DICER1: variants seen among roughly 807,000 people sequenced by gnomAD.
DICER1 encodes the protein endoribonuclease Dicer.
Under a neutral mutation model 194.1 loss-of-function variants are expected in DICER1, and 43 were observed. That is an observed-to-expected ratio of 0.22 (90% confidence interval 0.17 to 0.29). The LOEUF is 0.29. Ranked by LOEUF, DICER1 falls within the 10% of genes least tolerant of loss-of-function variation. The pLI, the probability that DICER1 is intolerant of heterozygous loss-of-function variation, is 1.00. For missense variants in DICER1, 1,608 were observed against 2,317.0 expected (o/e 0.69, Z 6.28); for synonymous variants, 832 against 820.5 (o/e 1.01, Z -0.24).
At chr14:95,117,493 A>T in intron 9 of DICER1, 129 bp downstream of exon 9, 1 of 982,788 alleles carries the variant, frequency 1.0e-6, no homozygotes, top group South Asian at 1.4e-5. Context: ...CTAATATATG[A>T]AGAAGTATTC....
In DICER1 at chr14:95,095,701, C is replaced by T. The variant is rs1422050878; in HGVS notation, c.5095+124G>A. The stretch of plus-strand genomic sequence containing the variant: ...TCTTTCTATTCCTTTTGTTCCCCGC[C>T]CCATCCCTTGAATATTAAGCATGAA... On this transcript the variant is annotated intron_variant, in intron 23 of 26. Transcript: ENST00000343455. The T allele has an allele frequency of 4.8e-6, 5 of 1,036,094 alleles. No homozygotes were observed. In the East Asian group the frequency reaches 1.0e-4, roughly 21 times the overall value. The allele number at this position is 1,036,094 out of a possible 1,614,324, so 64.2% of individuals were successfully genotyped here. A position where few individuals can be genotyped will look rare whatever the true frequency, so the allele number is the denominator to read the frequency against.
At chr14:95,145,683 A>G (rs1305067681) in intron 1 of DICER1, among the ~76,000 whole-genome samples, 2 of 152,174 alleles carry the variant, frequency 1.3e-5, no homozygotes, top group African/African-American at 4.8e-5. Flanking sequence ...GAGAAAAAAA[A>G]AACAATAATT....
At position 95,096,498 on chromosome 14, in the gene DICER1, G is replaced by A. The variant is rs1595341579; in HGVS notation, c.4422C>T (p.Thr1474=). The A allele has an allele frequency of 6.2e-7, 1 of 1,613,994 alleles. No individual in the cohort carries two copies. Among genetic ancestry groups the A allele is most frequent in the African/African-American group, 1.3e-5 (1 of 75,014 alleles). The stretch of plus-strand genomic sequence containing the variant: ...TTTTCCATTCATATGCAGAATCAGT[G>A]GTTGAAAAAGGAGAAAGAGAGATTT... The part of the protein sequence containing the change: ...VKKISLSPFS[T]TDSAYEWKMP... Residue 1474 remains threonine, a synonymous_variant, in exon 23 of 27, where the codon ACC becomes ACT. Transcript: ENST00000343455.
intron 21 of DICER1, among the ~76,000 whole-genome samples, chr14:95,100,442 C>A (rs929008613): frequency 2.0e-5 from 3 of 152,170 alleles, no homozygotes; most frequent in Non-Finnish European, 1.5e-5. Context: ...AGAATCGAAG[C>A]CACAAACGGG....
rs1892791718 is a variant in DICER1, at chr14:95,119,876, C to T, written c.1377-2122G>A. ...AAACTGCTCTAAGAGTTTCTAAATG[C>T]TTCTTCTCAATCTTTGTACTTAACT... On this transcript the variant is annotated intron_variant, in intron 8 of 26. Transcript: ENST00000343455. Among the ~76,000 whole-genome samples, 4 of 152,322 alleles carry T rather than the reference C, an allele frequency of 2.6e-5. No individual in the cohort carries two copies. The South Asian group carries it at 8.3e-4, about 32-fold the overall frequency.
In DICER1 at chr14:95,105,824, TGAGTA is replaced by T; in HGVS notation, c.2988-46_2988-42del. ...AACAATTTTATCAAACACACAAAAA[TGAGTA>T]CATATTCACAGTGGTTCTCCAAAAA... On this transcript the variant is annotated intron_variant, in intron 18 of 26. Transcript: ENST00000343455. This position sits in a 1 kb window ranked among gnomAD's most constrained non-coding sequence, Gnocchi z 4.9. 1 of 1,550,488 alleles carries T rather than the reference TGAGTA, an allele frequency of 6.4e-7. No homozygotes were observed.
At chr14:95,139,285 C>T (rs993278419) in intron 1 of DICER1, among the ~76,000 whole-genome samples, 3 of 152,226 alleles carry the variant, frequency 2.0e-5, no homozygotes, top group Admixed American at 6.5e-5. Flanking sequence ...ACTCTGTTCT[C>T]ACTAAAATAT....
chr14:95,086,755 C>T lies in DICER1; in HGVS notation c.*3743G>A, dbSNP rs1420437757. 4.3e-6 allele frequency: 1 copy of T among 232,468 alleles called. No individual in the cohort carries two copies. Among genetic ancestry groups the T allele is most frequent in the Non-Finnish European group, 8.5e-6 (1 of 117,688 alleles). The allele number at this position is 232,468 out of a possible 1,614,324, so 14.4% of individuals were successfully genotyped here. A position where few individuals can be genotyped will look rare whatever the true frequency, so the allele number is the denominator to read the frequency against. Reference sequence around the variant, plus strand: ...TAAAAATCATTTTAATAGTCTTGGTCTTAAACATATCTTTAAAACTTTTCA... The same window carrying T: ...TAAAAATCATTTTAATAGTCTTGGTTTTAAACATATCTTTAAAACTTTTCA... On this transcript the variant is annotated 3_prime_UTR_variant, in exon 27 of 27. Transcript: ENST00000343455.
chr14:95,113,629 A>C (rs1052868427), intron 11 of DICER1, among the ~76,000 whole-genome samples: 1 of 152,228 alleles, frequency 6.6e-6, no homozygotes, highest in Non-Finnish European at 1.5e-5. Context: ...ATCATCTTAC[A>C]TTTCCCACCA....
intron 4 of DICER1, 120 bp downstream of exon 4, chr14:95,131,389 A>AT: frequency 5.3e-6 from 5 of 940,850 alleles, no homozygotes; most frequent in Non-Finnish European, 8.4e-6. Flanking sequence ...TTCTAGGCTG[A>AT]TTAAGTATAG....
Position 95,098,158 on chromosome 14 carries a change from C to A in DICER1, c.4207-1445G>T, listed in dbSNP as rs554566384. ...TGATCCTGGGCAAAGCCTTTTAGTG[C>A]CTCTGGGTTTCAGATGCTTCATCTA... On this transcript the variant is annotated intron_variant, in intron 22 of 26. Coordinates refer to ENST00000343455, the MANE Select transcript of DICER1 (RefSeq NM_177438.3). 7.9e-5 allele frequency among the ~76,000 whole-genome samples: 12 copies of A among 152,254 alleles called. No individual in the cohort carries two copies. In the South Asian group the frequency reaches 2.5e-3, roughly 32 times the overall value.
chr14:95,112,668 A>C (rs935567602), intron 12 of DICER1, among the ~76,000 whole-genome samples: 2 of 152,224 alleles, frequency 1.3e-5, no homozygotes, highest in Non-Finnish European at 2.9e-5. Flanking sequence ...CAAGAACAGT[A>C]TTTACAAAAA....
chr14:95,128,334 T>G lies in DICER1; in HGVS notation c.734+1138A>C, dbSNP rs1893659441. The stretch of plus-strand genomic sequence containing the variant: ...TACTTAAACGCTCTACTACTTCTAC[T>G]TCTCAGAAAACCTTTGGGCAATACA... On this transcript the variant is annotated intron_variant, in intron 6 of 26. Coordinates refer to ENST00000343455, the MANE Select transcript of DICER1 (RefSeq NM_177438.3). Among the ~76,000 whole-genome samples, 3 of 152,340 alleles carry G rather than the reference T, an allele frequency of 2.0e-5. No individual in the cohort carries two copies. The South Asian group carries it at 6.2e-4, about 32-fold the overall frequency.
In DICER1 at chr14:95,124,750, G is replaced by A. The variant is rs1411483299; in HGVS notation, c.904-82C>T. 5.7e-6 allele frequency: 7 copies of A among 1,223,292 alleles called. No individual in the cohort carries two copies. In the African/African-American group the frequency reaches 9.0e-5, roughly 16 times the overall value. 75.8% of individuals were successfully genotyped at this position (1,223,292 alleles called of 1,614,324 possible). A position where few individuals can be genotyped will look rare whatever the true frequency, so the allele number is the denominator to read the frequency against. ...CATGTGGGGTTTAACTGGGATTTCAGTTGTTCTCAAATGGCTCCTTAAATG... is the reference window on the plus strand; with the variant it reads ...CATGTGGGGTTTAACTGGGATTTCAATTGTTCTCAAATGGCTCCTTAAATG... On this transcript the variant is annotated intron_variant, in intron 7 of 26. Coordinates refer to ENST00000343455, the MANE Select transcript of DICER1 (RefSeq NM_177438.3). The surrounding 1 kb of genome is among the most constrained non-coding windows in gnomAD (Gnocchi z 4.5).
At position 95,126,574 on chromosome 14, in the gene DICER1, G is replaced by A; in HGVS notation, c.903+6C>T. The A allele has an allele frequency of 6.8e-7, 1 of 1,475,936 alleles. No homozygotes were observed. Among genetic ancestry groups the A allele is most frequent in the Admixed American group, 1.7e-5 (1 of 59,734 alleles). 91.4% of individuals were successfully genotyped at this position (1,475,936 alleles called of 1,614,324 possible). ...TAATCACTATACCTACTTGGTATATGCTTACCTGTTTCGAAATTAAAGTAG... is the reference window on the plus strand; with the variant it reads ...TAATCACTATACCTACTTGGTATATACTTACCTGTTTCGAAATTAAAGTAG... On this transcript the variant is annotated splice_donor_region_variant and intron_variant, in intron 7 of 26. Coordinates refer to ENST00000343455, the MANE Select transcript of DICER1 (RefSeq NM_177438.3).
At chr14:95,151,175 G>T (rs1425666410) in intron 1 of DICER1, among the ~76,000 whole-genome samples, 5 of 152,202 alleles carry the variant, frequency 3.3e-5, no homozygotes, top group African/African-American at 1.2e-4. Flanking sequence ...GTTATTTAGG[G>T]AAAGTTAAGA....
rs1295018830 is a variant in DICER1, at chr14:95,157,354, C to A, written c.-170G>T. On this transcript the variant is annotated 5_prime_UTR_variant, in exon 1 of 27. Coordinates refer to ENST00000343455, the MANE Select transcript of DICER1 (RefSeq NM_177438.3). The stretch of plus-strand genomic sequence containing the variant: ...CCCGCCGCCATTTCCTCGCGCTCGC[C>A]GTCGCCTCGTCCCCGCTGTCAGGTT... The A allele has an allele frequency of 1.9e-5, 3 of 155,344 alleles. No individual in the cohort carries two copies. Among genetic ancestry groups the A allele is most frequent in the South Asian group, 1.8e-4 (1 of 5,550 alleles). 9.6% of individuals were successfully genotyped at this position (155,344 alleles called of 1,614,324 possible).
At chr14:95,100,115 A>G (rs959049698) in intron 21 of DICER1, among the ~76,000 whole-genome samples, 180 bp from the exon 22 acceptor site, 4 of 151,964 alleles carry the variant, frequency 2.6e-5, no homozygotes, top group Non-Finnish European at 5.9e-5. Flanking sequence ...AGAATATTAA[A>G]TTCCCACATA....
chr14:95,152,232 G>A (rs896382064), intron 1 of DICER1, among the ~76,000 whole-genome samples: 3 of 152,146 alleles, frequency 2.0e-5, no homozygotes, highest in South Asian at 2.1e-4. Flanking sequence ...TTTCTCCCAC[G>A]ATTCTTAACA....
Sources: allele counts gnomAD v4.1 joint callset (sites outside exome capture counted in the v4.1 genomes callset), GRCh38; gene constraint gnomAD v4.1.1; non-coding constraint Gnocchi (gnomAD v3.1); transcripts MANE v1.5; gene names NCBI Gene and HGNC (gene_info 2026-07-23, HGNC 2026-07-21).